Variants in LRFN5 observed in about 807,000 individuals in gnomAD.
LRFN5 encodes the protein leucine-rich repeat and fibronectin type-III domain-containing protein 5.
In LRFN5, 24 loss-of-function variants were observed where a neutral mutation model predicts 45.6. That is an observed-to-expected ratio of 0.53 (90% CI 0.38 to 0.74). The LOEUF is 0.74. Among genes scored for constraint, LRFN5 ranks in the 30% least tolerant of loss-of-function variants. The pLI, the probability that LRFN5 is intolerant of heterozygous loss-of-function variation, is 0.00. For synonymous variants in LRFN5, 340 were observed against 313.8 expected (o/e 1.08, Z -0.88); for missense variants, 776 against 861.5 (o/e 0.90, Z 1.24).
At chr14:41,681,059 A>G (rs538618031) in intron 1 of LRFN5, among the ~76,000 whole-genome samples, 2 of 152,110 alleles carry the variant, frequency 1.3e-5, no homozygotes, top group African/African-American at 4.8e-5. Flanking sequence ...AGGCTATTTG[A>G]AAATACACAA....
chr14:41,749,169 A>G (rs1566650728), intron 1 of LRFN5, among the ~76,000 whole-genome samples: 2 of 151,902 alleles, frequency 1.3e-5, no homozygotes, highest in African/African-American at 4.8e-5. Context: ...CTCACCTCTT[A>G]ATACTGTTGC....
At chr14:41,627,548 C>A (rs1269003618) in intron 1 of LRFN5, among the ~76,000 whole-genome samples, 5 of 152,100 alleles carry the variant, frequency 3.3e-5, no homozygotes, top group African/African-American at 1.2e-4. Context: ...AGTTATCCAA[C>A]AAAATTCTCA....
At chr14:41,754,318 A>C (rs1885276913) in intron 1 of LRFN5, among the ~76,000 whole-genome samples, 1 of 152,056 alleles carries the variant, frequency 6.6e-6, no homozygotes, top group Non-Finnish European at 1.5e-5. Context: ...TCTATTGATC[A>C]GAATAGTTTT....
intron 1 of LRFN5, among the ~76,000 whole-genome samples, chr14:41,679,748 G>A (rs1450663642): frequency 3.3e-5 from 5 of 152,090 alleles, no homozygotes; most frequent in Non-Finnish European, 7.4e-5. Context: ...GTAAAGGGGA[G>A]TTTTTCTTAC....
In LRFN5 at chr14:41,876,950, C is replaced by A. The variant is rs371114394; in HGVS notation, c.-20-9656C>A. Among the ~76,000 whole-genome samples, 33 of 152,130 alleles carry A rather than the reference C, an allele frequency of 2.2e-4. 1 individual carries two copies. The South Asian group carries it at 5.8e-3, about 27-fold the overall frequency. ...TGTAAAGAGAGACAAAGAAAATAAA[C>A]GAGTAAATGACATGATGAATGTAAA... On this transcript the variant is annotated intron_variant, in intron 2 of 5. Coordinates refer to ENST00000298119, the MANE Select transcript of LRFN5 (RefSeq NM_152447.5).
At position 41,858,710 on chromosome 14, in the gene LRFN5, T is replaced by TC. The variant is rs567593224; in HGVS notation, c.-20-27895dup. On this transcript the variant is annotated intron_variant, in intron 2 of 5. Coordinates refer to ENST00000298119, the MANE Select transcript of LRFN5 (RefSeq NM_152447.5). The stretch of plus-strand genomic sequence containing the variant: ...CTCCAAAGAAACTCACTTTCACCAC[T>TC]CTTTATCCTCCCATGGTTTTACTCA... Among the ~76,000 whole-genome samples the TC allele has an allele frequency of 3.1e-4, 47 of 152,216 alleles. 1 individual carries two copies. In the South Asian group the frequency reaches 3.5e-3, roughly 11 times the overall value.
intron 5 of LRFN5, among the ~76,000 whole-genome samples, chr14:41,900,693 T>C (rs1454757907): frequency 6.6e-6 from 1 of 152,060 alleles, no homozygotes; most frequent in Non-Finnish European, 1.5e-5. Context: ...TTGCTACCTT[T>C]CTATTATCAG....
rs182569290 is a variant in LRFN5, at chr14:41,614,947, A to G, written c.-197+6385A>G. Among the ~76,000 whole-genome samples the G allele has an allele frequency of 7.0e-4, 107 of 152,166 alleles. 1 individual carries two copies. Among genetic ancestry groups the G allele is most frequent in the African/African-American group, 2.5e-3 (103 of 41,534 alleles). Reference sequence around the variant, plus strand: ...CTCACCAGACCAGGGGTCATAATATAGTCCAGTGTCTTCAGGAACCAGGCA... The same window carrying G: ...CTCACCAGACCAGGGGTCATAATATGGTCCAGTGTCTTCAGGAACCAGGCA... On this transcript the variant is annotated intron_variant, in intron 1 of 5. Transcript: ENST00000298119.
At chr14:41,897,513 TAA>T (rs1890979887) in intron 4 of LRFN5, among the ~76,000 whole-genome samples, 1 of 152,102 alleles carries the variant, frequency 6.6e-6, no homozygotes. Context: ...TATAGACATA[TAA>T]ATATTTATAC....
At chr14:41,877,265 C>T (rs549997611) in intron 2 of LRFN5, among the ~76,000 whole-genome samples, 6 of 152,208 alleles carry the variant, frequency 3.9e-5, no homozygotes, top group Non-Finnish European at 5.9e-5. Flanking sequence ...CAGCTGCAGG[C>T]GCCTGAGTAC....
chr14:41,621,446 T>C (rs1370360025), intron 1 of LRFN5, among the ~76,000 whole-genome samples: 5 of 152,118 alleles, frequency 3.3e-5, no homozygotes, highest in Non-Finnish European at 7.4e-5. Flanking sequence ...TTTGAAGATA[T>C]GCTTTGCCAT....
chr14:41,673,089 A>T (rs1881313944), intron 1 of LRFN5, among the ~76,000 whole-genome samples: 1 of 152,142 alleles, frequency 6.6e-6, no homozygotes, highest in Non-Finnish European at 1.5e-5. Context: ...GTACAGAACA[A>T]AATGAAAAGT....
At position 41,723,565 on chromosome 14, in the gene LRFN5, C is replaced by T. The variant is rs936924946; in HGVS notation, c.-196-43289C>T. Among the ~76,000 whole-genome samples, 3 of 152,026 alleles carry T rather than the reference C, an allele frequency of 2.0e-5. No individual in the cohort carries two copies. In the South Asian group the frequency reaches 6.2e-4, roughly 32 times the overall value. On this transcript the variant is annotated intron_variant, in intron 1 of 5. Transcript: ENST00000298119. The stretch of plus-strand genomic sequence containing the variant: ...TTCCCAGGAGTGGAGCAGAGGGCAC[C>T]CTGCTGCACCAGGATCTCTGGGGAG...
chr14:41,670,290 T>C (rs1219652009), intron 1 of LRFN5, among the ~76,000 whole-genome samples: 11 of 67,082 alleles, frequency 1.6e-4, no homozygotes, highest in African/African-American at 6.8e-4. Context: ...TATATATATA[T>C]ATATATATAT....
intron 2 of LRFN5, among the ~76,000 whole-genome samples, chr14:41,859,576 C>T (rs1423667571): frequency 6.6e-6 from 1 of 152,202 alleles, no homozygotes; most frequent in African/African-American, 2.4e-5. Flanking sequence ...TCAGCGGTCA[C>T]TGTGCCTACT....
intron 1 of LRFN5, among the ~76,000 whole-genome samples, chr14:41,758,921 T>A (rs1427712012): frequency 1.3e-5 from 2 of 152,196 alleles, no homozygotes; most frequent in African/African-American, 4.8e-5. Context: ...CTTTGAATGT[T>A]TTTTACTATG....
At chr14:41,677,013 A>G (rs1213907597) in intron 1 of LRFN5, among the ~76,000 whole-genome samples, 1 of 152,228 alleles carries the variant, frequency 6.6e-6, no homozygotes, top group African/African-American at 2.4e-5. Flanking sequence ...TCCAGAGACA[A>G]AAGGTAAAAA....
chr14:41,707,074 C>T (rs1265789240), intron 1 of LRFN5, among the ~76,000 whole-genome samples: 2 of 152,172 alleles, frequency 1.3e-5, no homozygotes, highest in Non-Finnish European at 2.9e-5. Context: ...TTTGTTCTGC[C>T]TGCCTATATA....
intron 2 of LRFN5, among the ~76,000 whole-genome samples, chr14:41,855,308 A>T (rs969920022): frequency 6.6e-6 from 1 of 152,186 alleles, no homozygotes; most frequent in Non-Finnish European, 1.5e-5. Flanking sequence ...TTTATTATGT[A>T]ATAAACCTGG....
Sources: allele counts gnomAD v4.1 joint callset (sites outside exome capture counted in the v4.1 genomes callset), GRCh38; gene constraint gnomAD v4.1.1; transcripts MANE v1.5; gene names NCBI Gene and HGNC (gene_info 2026-07-23, HGNC 2026-07-21).